Variants in ENOX1 observed in about 807,000 individuals in gnomAD.
ENOX1 encodes the protein ecto-NOX disulfide-thiol exchanger 1, also known as candidate growth-related and time keeping constitutive hydroquinone (NADH) oxidase.
Under a neutral mutation model 82.5 loss-of-function variants are expected in ENOX1, and 42 were observed. The observed-to-expected ratio is 0.51, with a 90% CI of 0.40 to 0.66. The LOEUF (loss-of-function observed/expected upper bound fraction) is 0.66. Among genes scored for constraint, ENOX1 ranks in the 30% least tolerant of loss-of-function variants. The pLI, the probability that ENOX1 is intolerant of heterozygous loss-of-function variation, is 0.00. For synonymous variants in ENOX1, 271 were observed against 282.2 expected, an observed-to-expected ratio of 0.96 and a Z score of 0.40; for missense variants, 608 against 811.6, an observed-to-expected ratio of 0.75 and a Z score of 3.05.
chr13:43,354,566 C>T (rs1210980672), intron 8 of ENOX1, among the ~76,000 whole-genome samples: 1 of 151,726 alleles, frequency 6.6e-6, no homozygotes, highest in African/African-American at 2.4e-5. Context: ...GTGAAAACAT[C>T]CAATCCACTT....
chr13:43,234,756 T>C (rs2042442988), intron 15 of ENOX1, among the ~76,000 whole-genome samples: 2 of 152,212 alleles, frequency 1.3e-5, no homozygotes, highest in Admixed American at 6.5e-5. Context: ...CTCCCATTAA[T>C]GTACTGCATA....
Position 43,431,654 on chromosome 13 carries a change from C to T in ENOX1, c.-74-18666G>A, listed in dbSNP as rs149401946. On this transcript the variant is annotated intron_variant, in intron 3 of 16. Transcript: ENST00000690772. ...GACACACACCCTTCCCTCCCACATA[C>T]GCAAATTCATTGATTAAATATTATG... is the stretch of plus-strand genomic sequence containing the variant. 4.9e-3 allele frequency among the ~76,000 whole-genome samples: 740 copies of T among 152,256 alleles called. 24 individuals are homozygous for T. The highest frequency in any genetic ancestry group is 0.044 in the Admixed American group (673 of 15,300).
At position 43,344,644 on chromosome 13, in the gene ENOX1, G is replaced by A. The variant is rs941415111; in HGVS notation, c.930C>T (p.Ala310=). 6.2e-7 allele frequency: 1 copy of A among 1,613,906 alleles called. No homozygotes were observed. Among genetic ancestry groups the A allele is most frequent in the Non-Finnish European group, 8.5e-7 (1 of 1,180,020 alleles). Residue 310 remains alanine (A), a synonymous_variant, in exon 9 of 17, where the codon GCC becomes GCT. Transcript: ENST00000690772. ...TCATTAGCCGGCGGACGTGGCTGTT[G>A]GCCGACTGCACCATGGAATAGAACT... is the stretch of plus-strand genomic sequence containing the variant. ...ANQFYSMVQS[A]NSHVRRLMNE...
chr13:43,720,056 C>A (rs1041021479), intron 1 of ENOX1, among the ~76,000 whole-genome samples: 1 of 151,908 alleles, frequency 6.6e-6, no homozygotes, highest in Non-Finnish European at 1.5e-5. Flanking sequence ...AGACAGAGAA[C>A]AGTGTTTCAT....
intron 8 of ENOX1, among the ~76,000 whole-genome samples, chr13:43,351,411 A>T (rs892050524): frequency 5.2e-5 from 7 of 135,730 alleles, no homozygotes; most frequent in East Asian, 2.3e-4. Flanking sequence ...TTATTTATTT[A>T]TTTTATTTAT....
At chr13:43,749,580 C>A (rs911968917) in intron 1 of ENOX1, among the ~76,000 whole-genome samples, 10 of 152,348 alleles carry the variant, frequency 6.6e-5, no homozygotes, top group East Asian at 5.8e-4. Context: ...TGTTTCCCAG[C>A]AGGGAACCAG....
At chr13:43,243,824 C>T (rs776924564) in intron 14 of ENOX1, among the ~76,000 whole-genome samples, 3 of 152,186 alleles carry the variant, frequency 2.0e-5, no homozygotes, top group Non-Finnish European at 4.4e-5. Flanking sequence ...AGCATATCTT[C>T]TTTCTATGCT....
At chr13:43,736,389 C>A (rs907229301) in intron 1 of ENOX1, among the ~76,000 whole-genome samples, 1 of 152,104 alleles carries the variant, frequency 6.6e-6, no homozygotes, top group African/African-American at 2.4e-5. Context: ...CTGAACAGTT[C>A]TCTGATGAAA....
chr13:43,626,791 G>A (rs1024686968), intron 2 of ENOX1, among the ~76,000 whole-genome samples: 24 of 151,920 alleles, frequency 1.6e-4, no homozygotes, highest in African/African-American at 5.8e-4. Flanking sequence ...TTTTATAAAT[G>A]TAAATTTGAT....
chr13:43,593,886 A>T (rs2081352654), intron 2 of ENOX1, among the ~76,000 whole-genome samples: 1 of 152,210 alleles, frequency 6.6e-6, no homozygotes, highest in African/African-American at 2.4e-5. Context: ...CTGGGAGTTC[A>T]TCCAGGTAAA....
intron 8 of ENOX1, among the ~76,000 whole-genome samples, chr13:43,348,512 C>T (rs763079282): frequency 6.6e-6 from 1 of 152,080 alleles, no homozygotes; most frequent in Non-Finnish European, 1.5e-5. Context: ...AACTGCAGAC[C>T]GAAAATAGTA....
intron 2 of ENOX1, among the ~76,000 whole-genome samples, chr13:43,663,533 G>C (rs977925670): frequency 3.9e-5 from 6 of 152,044 alleles, no homozygotes; most frequent in South Asian, 4.2e-4. Flanking sequence ...TAGTTGCTCT[G>C]TTTCCTATAT....
At chr13:43,758,205 C>T (rs1466924314) in intron 1 of ENOX1, among the ~76,000 whole-genome samples, 3 of 151,756 alleles carry the variant, frequency 2.0e-5, no homozygotes, top group Non-Finnish European at 4.4e-5. Flanking sequence ...CACTGCACTC[C>T]AGCCTGGGTG....
intron 5 of ENOX1, among the ~76,000 whole-genome samples, chr13:43,397,525 G>C (rs2053229622): frequency 6.6e-6 from 1 of 152,206 alleles, no homozygotes; most frequent in South Asian, 2.1e-4. Context: ...GTCCCATCCA[G>C]TGAAGTGAGG....
At chr13:43,574,922 T>A (rs960101782) in intron 2 of ENOX1, among the ~76,000 whole-genome samples, 1 of 152,182 alleles carries the variant, frequency 6.6e-6, no homozygotes, top group South Asian at 2.1e-4. Context: ...GTCATGCCTC[T>A]TCTTAACCAG....
chr13:43,294,714 C>T (rs1054393969), intron 12 of ENOX1, among the ~76,000 whole-genome samples: 2 of 152,196 alleles, frequency 1.3e-5, no homozygotes, highest in African/African-American at 4.8e-5. Flanking sequence ...TTGTCCTAAA[C>T]TGGAAACTAT....
At chr13:43,585,340 C>T (rs548419702) in intron 2 of ENOX1, among the ~76,000 whole-genome samples, 4 of 152,306 alleles carry the variant, frequency 2.6e-5, no homozygotes, top group African/African-American at 9.6e-5. Flanking sequence ...CCATTGAAAC[C>T]GGTTTCAGAC....
chr13:43,417,193 A>AGGGAGACGGGAGACGGGAGAC (rs370036237), intron 3 of ENOX1, among the ~76,000 whole-genome samples: 21 of 132,802 alleles, frequency 1.6e-4, no homozygotes, highest in African/African-American at 4.7e-4. Context: ...TCAGCAACAG[A>AGGGAGACGGGAGACGGGAGAC]GGGAGACGGG....
At chr13:43,471,776 C>CTCCA (rs1439605034) in intron 3 of ENOX1, among the ~76,000 whole-genome samples, 1 of 146,122 alleles carries the variant, frequency 6.8e-6, no homozygotes, top group Non-Finnish European at 1.5e-5. Flanking sequence ...TGCCACTGTG[C>CTCCA]TCCAGCCTGG....
Sources: allele counts gnomAD v4.1 joint callset (sites outside exome capture counted in the v4.1 genomes callset), GRCh38; gene constraint gnomAD v4.1.1; transcripts MANE v1.5; gene names NCBI Gene and HGNC (gene_info 2026-07-23, HGNC 2026-07-21).